KCNA6: variants seen among roughly 807,000 people sequenced by gnomAD.
The protein encoded by KCNA6 is human brain potassium channel-2.
KCNA6 carries 17 observed loss-of-function variants against 29.5 expected under a neutral mutation model. That is an observed-to-expected ratio of 0.58 (90% CI 0.39 to 0.86). The LOEUF is 0.86. KCNA6 is among the 40% of genes least tolerant of loss of function. KCNA6 has a pLI of 0.00. For missense variants in KCNA6, 450 were observed against 703.4 expected (o/e 0.64, Z 4.07); for synonymous variants, 296 against 304.7 (o/e 0.97, Z 0.30).
the KCNA6 span, among the ~76,000 whole-genome samples, chr12:4,829,509 G>A: frequency 4.1e-4 from 62 of 152,252 alleles, no homozygotes; most frequent in South Asian, 2.5e-3. Flanking sequence ...CTGAGAATAT[G>A]CCTTTTTAAA....
At chr12:4,851,107 GTC>G in the KCNA6 span, 1 of 232,168 alleles carries the variant, frequency 4.3e-6, no homozygotes, top group South Asian at 5.1e-5. Context: ...ACAAGGCAAA[GTC>G]TCAGAGGCTG....
chr12:4,816,936 A>G (rs767098865), downstream of KCNA6, among the ~76,000 whole-genome samples: 1 of 152,186 alleles, frequency 6.6e-6, no homozygotes, highest in Non-Finnish European at 1.5e-5. Context: ...CAGATGCACC[A>G]GCCAGTCCTG....
chr12:4,814,078 A>C (rs536801918), downstream of KCNA6: 1 of 167,192 alleles, frequency 6.0e-6, no homozygotes, highest in East Asian at 1.9e-4. The surrounding 1 kb of genome is among the most constrained non-coding windows in gnomAD (Gnocchi z 4.6). Context: ...TGGGAGTGCC[A>C]GGGCACGGAT....
chr12:4,810,329 C>G lies in KCNA6; in HGVS notation c.288C>G (p.Ile96Met), dbSNP rs570806842. The G allele has an allele frequency of 6.2e-7, 1 of 1,614,202 alleles. No homozygotes were observed. Among genetic ancestry groups the G allele is most frequent in the South Asian group, 1.1e-5 (1 of 91,088 alleles). ...GCAACCGGCCCAGCTTCGACGCCAT[C>G]CTCTACTACTACCAGTCTGGGGGCC... Residue 96 changes from isoleucine to methionine, a missense_variant, in exon 1 of 1, where the codon ATC (isoleucine) becomes ATG (methionine). Ile to Met is a conservative substitution (Grantham distance 10, BLOSUM62 1). Coordinates refer to ENST00000280684, the Ensembl canonical transcript of KCNA6. This position sits in a 1 kb window ranked among gnomAD's most constrained non-coding sequence, Gnocchi z 7.5.
Position 4,811,682 on chromosome 12 carries a change from A to T in KCNA6, c.*51A>T. The T allele has an allele frequency of 6.4e-7, 1 of 1,559,942 alleles. No individual in the cohort carries two copies. Among genetic ancestry groups the T allele is most frequent in the African/African-American group, 1.4e-5 (1 of 73,490 alleles). On this transcript the variant is annotated 3_prime_UTR_variant, in exon 1 of 1. Coordinates refer to ENST00000280684, the Ensembl canonical transcript of KCNA6. This position sits in a 1 kb window ranked among gnomAD's most constrained non-coding sequence, Gnocchi z 7.1. ...GGGAGCACTGAGCTAACAGTCTCTT[A>T]GGCTTCCTTCTCATTTCCACTACTC...
chr12:4,848,600 T>C, the KCNA6 span, among the ~76,000 whole-genome samples: 1 of 151,998 alleles, frequency 6.6e-6, no homozygotes, highest in Non-Finnish European at 1.5e-5. Context: ...AATGGCTCGA[T>C]CTCGGCTCAC....
At chr12:4,836,929 C>T in the KCNA6 span, among the ~76,000 whole-genome samples, 1 of 152,178 alleles carries the variant, frequency 6.6e-6, no homozygotes. Context: ...CATCCTGTTT[C>T]CTGGCATAGG....
chr12:4,839,674 G>A, the KCNA6 span, among the ~76,000 whole-genome samples: 3 of 152,156 alleles, frequency 2.0e-5, no homozygotes, highest in African/African-American at 4.8e-5. Flanking sequence ...AAGCCACCTT[G>A]TGGAAACATA....
the KCNA6 span, among the ~76,000 whole-genome samples, chr12:4,840,026 C>G: frequency 2.6e-5 from 4 of 152,038 alleles, no homozygotes; most frequent in African/African-American, 7.2e-5. Context: ...AAAAAACTTC[C>G]ATCATGAAAA....
the KCNA6 span, among the ~76,000 whole-genome samples, chr12:4,839,949 C>CT: frequency 0.071 from 10,725 of 151,958 alleles, 593 homozygotes; most frequent in East Asian, 0.28. Flanking sequence ...TTTTTTGTTT[C>CT]TTTTTTATAG....
At position 4,810,846 on chromosome 12, in the gene KCNA6, C is replaced by A. The variant is rs1438592044; in HGVS notation, c.805C>A (p.Leu269Met). ...AGACCCCTTCTTTCTGGTGGAGACGCTGTGCATTGTCTGGTTCACTTTTGA... is the reference window on the plus strand; with the variant it reads ...AGACCCCTTCTTTCTGGTGGAGACGATGTGCATTGTCTGGTTCACTTTTGA... Residue 269 changes from leucine to methionine, a missense_variant, in exon 1 of 1, where the codon CTG becomes ATG. Physicochemically the swap from Leu to Met is conservative, Grantham distance 15. This residue lies in a region of KCNA6 where 46 missense variants were observed against 80.2 expected (regional missense o/e 0.57). Transcript: ENST00000280684. This position sits in a 1 kb window ranked among gnomAD's most constrained non-coding sequence, Gnocchi z 7.5. 12 of 1,606,052 alleles carry A rather than the reference C, an allele frequency of 7.5e-6. No homozygotes were observed. The highest frequency in any genetic ancestry group is 1.1e-5 in the South Asian group (1 of 89,168).
chr12:4,840,969 C>T, the KCNA6 span, among the ~76,000 whole-genome samples: 2 of 152,196 alleles, frequency 1.3e-5, no homozygotes, highest in Non-Finnish European at 1.5e-5. Flanking sequence ...ACCTGATAGT[C>T]TTACTCCTTA....
chr12:4,816,528 A>G (rs1268025732), downstream of KCNA6, among the ~76,000 whole-genome samples: 1 of 152,158 alleles, frequency 6.6e-6, no homozygotes, highest in Non-Finnish European at 1.5e-5. Flanking sequence ...AAACTCCAAG[A>G]AAAGTTCCCA....
At chr12:4,816,914 T>G (rs1946687888), downstream of KCNA6, among the ~76,000 whole-genome samples, 1 of 152,194 alleles carries the variant, frequency 6.6e-6, no homozygotes, top group Non-Finnish European at 1.5e-5. Flanking sequence ...TCCCTCTCCT[T>G]GGTGCTTTCC....
the KCNA6 span, among the ~76,000 whole-genome samples, chr12:4,822,939 C>T: frequency 9.9e-5 from 15 of 152,172 alleles, no homozygotes; most frequent in African/African-American, 3.1e-4. Context: ...GCTTATTGGC[C>T]GAAAGCTAAA....
chr12:4,831,490 A>G, the KCNA6 span, among the ~76,000 whole-genome samples: 1 of 152,154 alleles, frequency 6.6e-6, no homozygotes, highest in Admixed American at 6.5e-5. Flanking sequence ...GTTCTGGTTC[A>G]GTCTGGGCTA....
the KCNA6 span, among the ~76,000 whole-genome samples, chr12:4,827,204 C>CCCCCCTTCCTTCCTT: frequency 8.3e-6 from 1 of 120,390 alleles, no homozygotes; most frequent in African/African-American, 3.2e-5. Flanking sequence ...TTCCTTCCTT[C>CCCCCCTTCCTTCCTT]CCTCCTTCCT....
chr12:4,811,760 A>C lies in KCNA6; in HGVS notation c.*129A>C. ...CTCTCCCCTACACCCACTACCTGGC[A>C]TCCAGGACCAAATACCTGGACTATC... On this transcript the variant is annotated 3_prime_UTR_variant, in exon 1 of 1. Coordinates refer to ENST00000280684, the Ensembl canonical transcript of KCNA6. The surrounding 1 kb of genome is among the most constrained non-coding windows in gnomAD (Gnocchi z 7.1). 4.8e-6 allele frequency: 5 copies of C among 1,050,820 alleles called. No homozygotes were observed. The highest frequency in any genetic ancestry group is 7.0e-6 in the Non-Finnish European group (5 of 716,696). 65.1% of individuals were successfully genotyped at this position (1,050,820 alleles called of 1,614,324 possible). A position where few individuals can be genotyped will look rare whatever the true frequency, so the allele number is the denominator to read the frequency against.
chr12:4,846,062 T>G, the KCNA6 span, among the ~76,000 whole-genome samples: 2 of 145,494 alleles, frequency 1.4e-5, no homozygotes, highest in African/African-American at 5.1e-5. Context: ...AAACCAAAAT[T>G]CATTTATGTT....
Sources: gnomAD v4.1 joint callset for allele counts (sites outside exome capture counted in the v4.1 genomes callset) on GRCh38, gnomAD v4.1.1 for gene constraint, gnomAD v4.1.1 regional missense constraint, Gnocchi (gnomAD v3.1) non-coding constraint, MANE v1.5 for transcripts, NCBI Gene and HGNC (gene_info 2026-07-23, HGNC 2026-07-21) for gene names.